Variants in ADSS1 observed in about 807,000 individuals in gnomAD.
ADSS1 encodes adenylosuccinate synthetase isozyme 1.
In ADSS1, 57 loss-of-function variants were observed where a neutral mutation model predicts 59.1. That is an observed-to-expected ratio of 0.97 (90% CI 0.78 to 1.20). The LOEUF (loss-of-function observed/expected upper bound fraction) is 1.20, where lower values mean the gene tolerates loss of function less well. Among genes scored for constraint, ADSS1 ranks in the 50% most tolerant of loss-of-function variants. The probability of loss-of-function intolerance (pLI) is 0.00; values close to 1 mark genes in which losing one functional copy is unlikely to be tolerated. For synonymous variants in ADSS1, 247 were observed against 249.4 expected (o/e 0.99, Z 0.09); for missense variants, 603 against 610.3 (o/e 0.99, Z 0.13).
chr14:104,745,037 CCA>C (rs1891505905), intron 11 of ADSS1, 128 bp downstream of exon 11: 1 of 761,424 alleles, frequency 1.3e-6, no homozygotes, highest in South Asian at 1.7e-5. Context: ...CAGCTTGTCT[CCA>C]GTGACCAGCC....
chr14:104,743,118 G>T lies in ADSS1; in HGVS notation c.1000G>T (p.Gly334Cys), dbSNP rs1165420737. 6.2e-7 allele frequency: 1 copy of T among 1,613,108 alleles called. No individual in the cohort carries two copies. Among genetic ancestry groups the T allele is most frequent in the Non-Finnish European group, 8.5e-7 (1 of 1,180,024 alleles). The change falls in exon 10 of 13, where the codon GGC becomes TGC. Residue 334 changes from glycine to cysteine, a missense_variant. Gly to Cys is a radical substitution (Grantham distance 159). Transcript: ENST00000330877. ...TRGHEWGVTT[G>C]RKRRCGWLDL... ...CGGCCACGAGTGGGGAGTGACCACA[G>T]GCAGGAAGAGGCGCTGCGGCTGGCT... is the stretch of plus-strand genomic sequence containing the variant.
Position 104,746,221 on chromosome 14 carries a change from G to A in ADSS1, c.1172-15G>A, listed in dbSNP as rs184767949. 2.7e-4 allele frequency: 439 copies of A among 1,600,562 alleles called. 7 individuals are homozygous for A. The East Asian group carries it at 9.1e-3, about 33-fold the overall frequency. On this transcript the variant is annotated splice_polypyrimidine_tract_variant and intron_variant, in intron 11 of 12. Coordinates refer to ENST00000330877, the MANE Select transcript of ADSS1 (RefSeq NM_152328.5). ...GGTCTGTGGGCCCCACTCATCTCCT[G>A]TGTGCTTCCCCCAGCTAACCAGGAG...
At chr14:104,734,162 C>A (rs1467492518) in intron 1 of ADSS1, among the ~76,000 whole-genome samples, 3 of 152,224 alleles carry the variant, frequency 2.0e-5, no homozygotes, top group Non-Finnish European at 4.4e-5. Context: ...CGTAGGGGAG[C>A]CCTATCAGCC....
At chr14:104,746,856 A>T in intron 12 of ADSS1, 95 bp from the exon 13 acceptor site, 1 of 1,318,546 alleles carries the variant, frequency 7.6e-7, no homozygotes, top group Non-Finnish European at 1.1e-6. Flanking sequence ...CCCTTTTACC[A>T]TTTGAACTAC....
chr14:104,736,879 C>T (rs1305731064), intron 2 of ADSS1, among the ~76,000 whole-genome samples: 1 of 63,632 alleles, frequency 1.6e-5, no homozygotes. Context: ...CCGCACCTAG[C>T]TGATATATAT....
chr14:104,741,746 GT>G, intron 8 of ADSS1, 101 bp from the exon 9 acceptor site: 1 of 1,498,620 alleles, frequency 6.7e-7, no homozygotes, highest in Non-Finnish European at 9.0e-7. Context: ...GCCCCCCACG[GT>G]TTGAACTGCC....
intron 2 of ADSS1, chr14:104,737,053 G>A: frequency 6.6e-6 from 1 of 151,750 alleles, no homozygotes; most frequent in South Asian, 2.1e-4. Context: ...CACCAGAGCG[G>A]TGCATTTGTG....
At chr14:104,746,837 G>GAAAAT in intron 12 of ADSS1, 114 bp from the exon 13 acceptor site, 1 of 1,103,792 alleles carries the variant, frequency 9.1e-7, no homozygotes, top group Non-Finnish European at 1.4e-6. Flanking sequence ...CATTTGGAGA[G>GAAAAT]AAAATAGCCC....
In ADSS1 at chr14:104,740,460, C is replaced by G; in HGVS notation, c.477-141C>G. 1.4e-6 allele frequency: 1 copy of G among 728,224 alleles called. No homozygotes were observed. The allele number at this position is 728,224 out of a possible 1,614,324, so 45.1% of individuals were successfully genotyped here. ...ATGCTAGTGCGTACACCCACACACGCACACACTCACAGCTCAGCCAGACAC... is the reference window on the plus strand; with the variant it reads ...ATGCTAGTGCGTACACCCACACACGGACACACTCACAGCTCAGCCAGACAC... On this transcript the variant is annotated intron_variant, in intron 5 of 12. Transcript: ENST00000330877. This position sits in a 1 kb window ranked among gnomAD's most constrained non-coding sequence, Gnocchi z 4.8.
rs944792263 is a variant in ADSS1, at chr14:104,729,967, C to T, written c.193-5053C>T. The T allele has an allele frequency of 1.3e-6, 2 of 1,591,542 alleles. No homozygotes were observed. Among genetic ancestry groups the T allele is most frequent in the Non-Finnish European group, 1.7e-6 (2 of 1,169,458 alleles). ...AGAGGCCCACGAACCTGGCCCTGAC[C>T]CTCAGCTCGTCCCCAGCTCACAGCA... On this transcript the variant is annotated intron_variant, in intron 1 of 12. Transcript: ENST00000330877.
chr14:104,729,484 T>A (rs914392769), intron 1 of ADSS1, among the ~76,000 whole-genome samples: 2 of 134,054 alleles, frequency 1.5e-5, no homozygotes, highest in South Asian at 5.0e-4. Flanking sequence ...GGCGTCGGCG[T>A]GGGAGGGAGG....
chr14:104,743,323 C>G, intron 10 of ADSS1, 132 bp downstream of exon 10: 1 of 1,375,280 alleles, frequency 7.3e-7, no homozygotes, highest in South Asian at 1.3e-5. Flanking sequence ...GATCTCGACC[C>G]TTCCACAAAG....
Position 104,739,643 on chromosome 14 carries a change from C to A in ADSS1, c.410-107C>A, listed in dbSNP as rs757175135. On this transcript the variant is annotated intron_variant, in intron 4 of 12. Coordinates refer to ENST00000330877, the MANE Select transcript of ADSS1 (RefSeq NM_152328.5). ...TTTGTCCTCTTTGAAATCTCAACCA[C>A]CCCCTTCCCAGGAGACTCAGGCCAG... 229 of 1,285,830 alleles carry A rather than the reference C, an allele frequency of 1.8e-4. 2 individuals carry two copies. The highest frequency in any genetic ancestry group is 1.7e-3 in the South Asian group (133 of 76,730). 79.7% of individuals were successfully genotyped at this position (1,285,830 alleles called of 1,614,324 possible).
rs139062423 is a variant in ADSS1 at position 104,727,839 on chromosome 14, C to T, written c.192+3377C>T. ...TGCCGAGGACCACAGGGCTCCAGCG[C>T]GCCCTGGTCAGGGTTTAGAATCCCC... On this transcript the variant is annotated intron_variant, in intron 1 of 12. Coordinates refer to ENST00000330877, the MANE Select transcript of ADSS1 (RefSeq NM_152328.5). Among the ~76,000 whole-genome samples, 80 of 152,340 alleles carry T rather than the reference C, an allele frequency of 5.3e-4. 1 individual carries two copies. Among genetic ancestry groups the T allele is most frequent in the South Asian group, 1.9e-3 (9 of 4,828 alleles).
At chr14:104,730,344 T>C (rs978572091) in intron 1 of ADSS1, 4 of 1,066,972 alleles carry the variant, frequency 3.7e-6, no homozygotes, top group South Asian at 2.0e-5. Flanking sequence ...ACAAAAATTA[T>C]CTGGGCATGC....
At chr14:104,742,193 T>A (rs1337127729) in intron 9 of ADSS1, among the ~76,000 whole-genome samples, 191 bp downstream of exon 9, 1 of 152,216 alleles carries the variant, frequency 6.6e-6, no homozygotes, top group Non-Finnish European at 1.5e-5. Context: ...GGTGGGCCTG[T>A]TCCCACGGCC....
chr14:104,735,018 A>G lies in ADSS1; in HGVS notation c.193-2A>G, dbSNP rs1566797139. 7.4e-6 allele frequency: 12 copies of G among 1,612,446 alleles called. No individual in the cohort carries two copies. Among genetic ancestry groups the G allele is most frequent in the Non-Finnish European group, 1.0e-5 (12 of 1,178,852 alleles). On this transcript the variant is annotated splice_acceptor_variant, in intron 1 of 12. Transcript: ENST00000330877. LOFTEE classifies it high-confidence loss of function. ...TTCAGCTCAGCCGGGTTTCTGTTCC[A>G]GGGGGGCAACAACGCCGGCCACACG...
chr14:104,725,407 G>A (rs888843946), intron 1 of ADSS1, among the ~76,000 whole-genome samples: 2 of 152,156 alleles, frequency 1.3e-5, no homozygotes, highest in African/African-American at 4.8e-5. Context: ...ATGGAACAAG[G>A]GCCCCCGCAC....
chr14:104,727,376 G>A (rs1394888774), intron 1 of ADSS1, among the ~76,000 whole-genome samples: 1 of 151,782 alleles, frequency 6.6e-6, no homozygotes, highest in Non-Finnish European at 1.5e-5. Context: ...GCGGCTCTGG[G>A]TCTGTTCGGC....
Sources: gnomAD v4.1 joint callset for allele counts (sites outside exome capture counted in the v4.1 genomes callset) on GRCh38, gnomAD v4.1.1 for gene constraint, Gnocchi (gnomAD v3.1) non-coding constraint, MANE v1.5 for transcripts, NCBI Gene and HGNC (gene_info 2026-07-23, HGNC 2026-07-21) for gene names.